LETMD1: variants seen among roughly 807,000 people sequenced by gnomAD.
The protein encoded by LETMD1 is LETM1 domain-containing protein 1.
In LETMD1, 30 loss-of-function variants were observed where a neutral mutation model predicts 43.9. That is an observed-to-expected ratio of 0.68 (90% CI 0.51 to 0.93). The LOEUF (loss-of-function observed/expected upper bound fraction) is 0.93, where lower values mean the gene tolerates loss of function less well. Ranked by LOEUF, LETMD1 falls within the 40% of genes least tolerant of loss-of-function variation. The probability of loss-of-function intolerance (pLI) is 0.00; values close to 1 mark genes in which losing one functional copy is unlikely to be tolerated. For missense variants in LETMD1, 413 were observed against 447.7 expected (o/e 0.92, Z 0.70); for synonymous variants, 176 against 163.1 (o/e 1.08, Z -0.60).
At chr12:51,053,642 CAAAAAG>C (rs1946804606) in intron 3 of LETMD1, 130 bp from the exon 4 acceptor site, 3 of 651,378 alleles carry the variant, frequency 4.6e-6, no homozygotes, top group Non-Finnish European at 8.1e-6. Flanking sequence ...GACTCCATCT[CAAAAAG>C]AAAAAGAAAG....
chr12:51,068,200 C>T, the LETMD1 span, among the ~76,000 whole-genome samples: 6 of 152,216 alleles, frequency 3.9e-5, no homozygotes, highest in African/African-American at 1.4e-4. Context: ...TTCTGTCGTC[C>T]AGGCGGGAGT....
At chr12:51,056,905 A>G (rs1947894864) in intron 7 of LETMD1, 1 of 172,204 alleles carries the variant, frequency 5.8e-6, no homozygotes, top group Non-Finnish European at 1.2e-5. Context: ...ATCAACCCAA[A>G]GTGCCGAGAC....
At chr12:51,048,745 C>T in intron 1 of LETMD1, 1 of 594,608 alleles carries the variant, frequency 1.7e-6, no homozygotes, top group African/African-American at 1.9e-5. Flanking sequence ...TTTACCGCTG[C>T]TATCTCGATT....
intron 8 of LETMD1, 172 bp downstream of exon 8, chr12:51,058,300 G>A: frequency 1.6e-6 from 1 of 617,078 alleles, no homozygotes; most frequent in Non-Finnish European, 2.9e-6. Context: ...AACGAAGTAG[G>A]CCATAAGACA....
At chr12:51,063,289 T>C (rs936639436), downstream of LETMD1, 1 of 152,490 alleles carries the variant, frequency 6.6e-6, no homozygotes, top group Admixed American at 6.5e-5. Context: ...CAGGTGACTT[T>C]CCAGTTTGAA....
At chr12:51,067,793 A>T in the LETMD1 span, 1 of 1,614,242 alleles carries the variant, frequency 6.2e-7, no homozygotes, top group Non-Finnish European at 8.5e-7. The surrounding 1 kb of genome is among the most constrained non-coding windows in gnomAD (Gnocchi z 4.1). Flanking sequence ...TCTCTTCAGC[A>T]TCAATACGGT....
intron 8 of LETMD1, chr12:51,058,433 T>G (rs1015691444): frequency 4.2e-5 from 12 of 283,782 alleles, no homozygotes; most frequent in African/African-American, 2.7e-4. Context: ...ATTTATTTAT[T>G]TTGAGACGGG....
At chr12:51,051,715 G>GA (rs370087228) in intron 2 of LETMD1, among the ~76,000 whole-genome samples, 4 of 151,030 alleles carry the variant, frequency 2.6e-5, no homozygotes, top group African/African-American at 9.7e-5. Flanking sequence ...TCAAAAAAAA[G>GA]AAAAAAAAAG....
At chr12:51,056,533 A>G (rs200548875) in intron 7 of LETMD1, 31 bp downstream of exon 7, 14 of 1,613,240 alleles carry the variant, frequency 8.7e-6, no homozygotes, top group Non-Finnish European at 9.3e-6. Context: ...TCAACCCTCA[A>G]CCCTTGGTGT....
chr12:51,048,601 T>C, intron 1 of LETMD1, 123 bp downstream of exon 1: 12 of 1,300,332 alleles, frequency 9.2e-6, no homozygotes, highest in Non-Finnish European at 1.3e-5. Context: ...TTTTTATTCT[T>C]CTGTTCAGGA....
At chr12:51,052,518 C>T (rs1327878946) in intron 3 of LETMD1, among the ~76,000 whole-genome samples, 1 of 152,162 alleles carries the variant, frequency 6.6e-6, no homozygotes, top group Non-Finnish European at 1.5e-5. Context: ...CGCGGTGGCT[C>T]ACGCCTGTAA....
At chr12:51,061,952 G>A (rs1371676190), downstream of LETMD1, 1 of 152,128 alleles carries the variant, frequency 6.6e-6, no homozygotes, top group Non-Finnish European at 1.5e-5. Context: ...GGGTAGCTTC[G>A]AGAGCTCAGG....
intron 3 of LETMD1, 110 bp downstream of exon 3, chr12:51,052,317 C>A: frequency 7.5e-7 from 1 of 1,336,236 alleles, no homozygotes; most frequent in South Asian, 1.4e-5. Context: ...AAGCTTTTGC[C>A]CTTTGCCGTG....
At chr12:51,057,309 C>A (rs887098962) in intron 7 of LETMD1, among the ~76,000 whole-genome samples, 1 of 152,166 alleles carries the variant, frequency 6.6e-6, no homozygotes, top group African/African-American at 2.4e-5. Flanking sequence ...GTTGCCCAGG[C>A]TGGTCTTGAA....
downstream of LETMD1, chr12:51,063,654 G>T: frequency 1.0e-6 from 1 of 989,364 alleles, no homozygotes; most frequent in Non-Finnish European, 1.4e-6. Flanking sequence ...CATGGGAGCA[G>T]CAGCTGCTTC....
chr12:51,054,159 G>A (rs1194962571), intron 4 of LETMD1, among the ~76,000 whole-genome samples: 1 of 151,940 alleles, frequency 6.6e-6, no homozygotes, highest in Non-Finnish European at 1.5e-5. Context: ...CCGAGAGAGA[G>A]TACTTTTAGA....
intron 1 of LETMD1, 189 bp downstream of exon 1, chr12:51,048,667 G>GGGTCTGATTTCAGTATCTCAGTA (rs1425772233): frequency 4.3e-6 from 3 of 696,352 alleles, no homozygotes; most frequent in East Asian, 5.5e-5. Context: ...TACTCTCAGT[G>GGGTCTGATTTCAGTATCTCAGTA]CCCCATATTG....
Position 51,051,375 on chromosome 12 carries a change from G to C in LETMD1, c.275-717G>C, listed in dbSNP as rs998851148. Among the ~76,000 whole-genome samples, 19 of 151,492 alleles carry C rather than the reference G, an allele frequency of 1.3e-4. 1 individual carries two copies. The highest frequency in any genetic ancestry group is 5.9e-4 in the Admixed American group (9 of 15,172). The stretch of plus-strand genomic sequence containing the variant: ...GCCGAGATTGCGCCACTGCACTCCA[G>C]CCTGGGCGACAGAGCAAAACTCCAT... On this transcript the variant is annotated intron_variant, in intron 2 of 8. Transcript: ENST00000262055.
chr12:51,059,563 G>C lies in LETMD1; in HGVS notation c.*132G>C, dbSNP rs543281162. ...GGCAGAGAGAGGAGCAGGGGCCATGGGCTTCACAGCATGGCACACATGTGG... is the reference window on the plus strand; with the variant it reads ...GGCAGAGAGAGGAGCAGGGGCCATGCGCTTCACAGCATGGCACACATGTGG... On this transcript the variant is annotated 3_prime_UTR_variant, in exon 9 of 9. Transcript: ENST00000262055. The C allele has an allele frequency of 1.7e-5, 13 of 768,566 alleles. No homozygotes were observed. The Admixed American group carries it at 2.0e-4, about 12-fold the overall frequency. The allele number at this position is 768,566 out of a possible 1,614,324, so 47.6% of individuals were successfully genotyped here.
Sources: allele counts gnomAD v4.1 joint callset (sites outside exome capture counted in the v4.1 genomes callset), GRCh38; gene constraint gnomAD v4.1.1; non-coding constraint Gnocchi (gnomAD v3.1); transcripts MANE v1.5; gene names NCBI Gene and HGNC (gene_info 2026-07-23, HGNC 2026-07-21).